The following CADM1 variants were observed in gnomAD, a reference collection of about 807,000 sequenced individuals.
CADM1 encodes the protein TSLC-1.
Under a neutral mutation model 53.1 loss-of-function variants are expected in CADM1, and 15 were observed. The ratio of observed to expected loss-of-function variants is 0.28; its 90% CI spans 0.19 to 0.44. The LOEUF (loss-of-function observed/expected upper bound fraction) is 0.44, where lower values mean the gene tolerates loss of function less well. CADM1 is among the 20% of genes least tolerant of loss of function. The pLI is 1.00. For missense variants in CADM1, 434 were observed against 611.3 expected (o/e 0.71, Z 3.06); for synonymous variants, 281 against 243.0 (o/e 1.16, Z -1.45).
intron 1 of CADM1, among the ~76,000 whole-genome samples, chr11:115,425,886 G>T (rs1033218540): frequency 2.0e-5 from 3 of 152,212 alleles, no homozygotes; most frequent in Non-Finnish European, 4.4e-5. Flanking sequence ...GTAAGCAGGG[G>T]TCTGTGTGGA....
intron 10 of CADM1, among the ~76,000 whole-genome samples, chr11:115,179,418 TTTTA>T (rs1336646967): frequency 4.6e-5 from 7 of 152,156 alleles, no homozygotes; most frequent in Non-Finnish European, 4.4e-5. Context: ...ACGGTTTTTA[TTTTA>T]TTTATTTAAC....
intron 1 of CADM1, among the ~76,000 whole-genome samples, chr11:115,354,632 A>C (rs1039123221): frequency 6.6e-6 from 1 of 152,200 alleles, no homozygotes; most frequent in African/African-American, 2.4e-5. Flanking sequence ...TGGCCCAATA[A>C]TTACAATATA....
At chr11:115,438,684 A>T (rs1472236126) in intron 1 of CADM1, among the ~76,000 whole-genome samples, 1 of 152,162 alleles carries the variant, frequency 6.6e-6, no homozygotes, top group African/African-American at 2.4e-5. Context: ...TGATACTAAT[A>T]AACTGTTAGA....
At chr11:115,237,259 C>G (rs367670890) in intron 3 of CADM1, among the ~76,000 whole-genome samples, 28 of 152,308 alleles carry the variant, frequency 1.8e-4, no homozygotes, top group African/African-American at 6.5e-4. Context: ...CAGGTCTAAT[C>G]TGGAGTAAAA....
intron 1 of CADM1, among the ~76,000 whole-genome samples, chr11:115,373,166 G>A (rs981244095): frequency 5.3e-5 from 8 of 152,124 alleles, no homozygotes; most frequent in South Asian, 4.1e-4. Flanking sequence ...CATTTCAAGC[G>A]GTCAAAGATA....
At chr11:115,503,006 A>G (rs946365611) in intron 1 of CADM1, among the ~76,000 whole-genome samples, 10 of 152,102 alleles carry the variant, frequency 6.6e-5, no homozygotes, top group Non-Finnish European at 1.2e-4. Context: ...GGGGCTTTGC[A>G]GGCTCAGAGC....
intron 1 of CADM1, among the ~76,000 whole-genome samples, chr11:115,270,180 C>A (rs994027999): frequency 3.9e-5 from 6 of 152,170 alleles, no homozygotes; most frequent in Admixed American, 1.3e-4. Context: ...CACACAATAA[C>A]AAAAGCCTTT....
chr11:115,368,184 T>C (rs1363003236), intron 1 of CADM1, among the ~76,000 whole-genome samples: 14 of 138,282 alleles, frequency 1.0e-4, no homozygotes, highest in Non-Finnish European at 1.5e-4. Context: ...GTTTGGGGGA[T>C]AGCCGTTTTT....
At chr11:115,485,992 TTAGAG>T (rs1286199063) in intron 1 of CADM1, among the ~76,000 whole-genome samples, 3 of 152,232 alleles carry the variant, frequency 2.0e-5, no homozygotes, top group African/African-American at 2.4e-5. Flanking sequence ...TTTTTGTTCA[TTAGAG>T]TAGTCATTCT....
intron 8 of CADM1, among the ~76,000 whole-genome samples, chr11:115,198,770 A>G (rs1294605446): frequency 1.3e-5 from 2 of 152,250 alleles, no homozygotes; most frequent in African/African-American, 4.8e-5. Flanking sequence ...AGTGGCTGGT[A>G]GATGGCTCTT....
chr11:115,418,178 G>A lies in CADM1; in HGVS notation c.124+86093C>T, dbSNP rs1947656559. 7.2e-5 allele frequency among the ~76,000 whole-genome samples: 11 copies of A among 152,268 alleles called. No homozygotes were observed. The South Asian group carries it at 2.3e-3, about 32-fold the overall frequency. On this transcript the variant is annotated intron_variant, in intron 1 of 11. Coordinates refer to ENST00000331581, the MANE Select transcript of CADM1 (RefSeq NM_001301043.2). ...ACATTTGCCTTGCCCATCCTGGAAT[G>A]CAAAAGTCACTTGTGGCTCAATGGT...
chr11:115,360,821 A>C (rs1732589839), intron 1 of CADM1, among the ~76,000 whole-genome samples: 2 of 152,178 alleles, frequency 1.3e-5, no homozygotes, highest in Non-Finnish European at 2.9e-5. Context: ...TGCCTTAAAA[A>C]TCTTACTAGG....
In CADM1 at chr11:115,309,371, C is replaced by A. The variant is rs11215479; in HGVS notation, c.125-68951G>T. On this transcript the variant is annotated intron_variant, in intron 1 of 11. Transcript: ENST00000331581. Reference sequence around the variant, plus strand: ...TTTAACCCATGGGCTTTTTAATATACAAGCCAAGAATGCTGTCAAAGTAAA... The same window carrying A: ...TTTAACCCATGGGCTTTTTAATATAAAAGCCAAGAATGCTGTCAAAGTAAA... Among the ~76,000 whole-genome samples the A allele has an allele frequency of 5.0e-3, 765 of 152,106 alleles. 9 individuals carry two copies. Among genetic ancestry groups the A allele is most frequent in the African/African-American group, 0.018 (733 of 41,510 alleles).
At chr11:115,318,097 T>C (rs1944722021) in intron 1 of CADM1, among the ~76,000 whole-genome samples, 1 of 152,096 alleles carries the variant, frequency 6.6e-6, no homozygotes, top group South Asian at 2.1e-4. Context: ...ATTAAGTACC[T>C]AAACTAATGC....
At chr11:115,503,075 C>T (rs1949765657) in intron 1 of CADM1, among the ~76,000 whole-genome samples, 2 of 152,168 alleles carry the variant, frequency 1.3e-5, no homozygotes, top group Non-Finnish European at 2.9e-5. Context: ...CCACTCGGTC[C>T]CGGCGCCCGC....
chr11:115,218,563 C>G (rs1021081095), intron 5 of CADM1, among the ~76,000 whole-genome samples: 2 of 152,156 alleles, frequency 1.3e-5, no homozygotes, highest in African/African-American at 4.8e-5. Context: ...CTGACATTTA[C>G]TCAGCATCTA....
At chr11:115,391,550 G>A (rs1287011989) in intron 1 of CADM1, among the ~76,000 whole-genome samples, 9 of 152,214 alleles carry the variant, frequency 5.9e-5, no homozygotes, top group Non-Finnish European at 1.2e-4. Flanking sequence ...AAAGGCAAAA[G>A]AGAAGAGGAG....
intron 1 of CADM1, among the ~76,000 whole-genome samples, chr11:115,362,642 C>A (rs957752003): frequency 2.6e-5 from 4 of 151,974 alleles, no homozygotes; most frequent in African/African-American, 9.7e-5. Flanking sequence ...TACAGTCTTC[C>A]ATATCGAGGC....
At chr11:115,268,994 C>T (rs908547958) in intron 1 of CADM1, among the ~76,000 whole-genome samples, 1 of 152,156 alleles carries the variant, frequency 6.6e-6, no homozygotes, top group Admixed American at 6.5e-5. Context: ...GGTAAACATG[C>T]TTGGGTGTCA....
Sources: allele counts gnomAD v4.1 joint callset (sites outside exome capture counted in the v4.1 genomes callset), GRCh38; gene constraint gnomAD v4.1.1; transcripts MANE v1.5; gene names NCBI Gene and HGNC (gene_info 2026-07-23, HGNC 2026-07-21).